The following IL6ST variants were observed in gnomAD, a reference collection of about 807,000 sequenced individuals.
The protein encoded by IL6ST is interleukin-6 receptor subunit beta.
Under a neutral mutation model 91.3 loss-of-function variants are expected in IL6ST, and 24 were observed. The ratio of observed to expected loss-of-function variants is 0.26; its 90% CI spans 0.19 to 0.37. The LOEUF (loss-of-function observed/expected upper bound fraction) is 0.37. Ranked by LOEUF, IL6ST falls within the 10% of genes least tolerant of loss-of-function variation. IL6ST has a pLI of 1.00. For missense variants in IL6ST, 914 were observed against 1,078.5 expected (o/e 0.85, Z 2.14); for synonymous variants, 351 against 373.6 (o/e 0.94, Z 0.70).
chr5:55,936,987 A>G lies in IL6ST; in HGVS notation c.*4095T>C, dbSNP rs73120472. 5,364 of 200,658 alleles carry G rather than the reference A, an allele frequency of 0.027. 295 individuals carry two copies. Among genetic ancestry groups the G allele is most frequent in the African/African-American group, 0.11 (4,986 of 43,702 alleles). 12.4% of individuals were successfully genotyped at this position (200,658 alleles called of 1,614,324 possible). On this transcript the variant is annotated 3_prime_UTR_variant, in exon 17 of 17. Coordinates refer to ENST00000381298, the MANE Select transcript of IL6ST (RefSeq NM_002184.4). Reference sequence around the variant, plus strand: ...GCACATTTATTTTTAGAGTATATTCAATACACATACATATTGAGACTAGAG... The same window carrying G: ...GCACATTTATTTTTAGAGTATATTCGATACACATACATATTGAGACTAGAG...
chr5:55,963,387 G>T lies in IL6ST; in HGVS notation c.778C>A (p.Gln260Lys). The T allele has an allele frequency of 6.2e-7, 1 of 1,601,702 alleles. No homozygotes were observed. The highest frequency in any genetic ancestry group is 8.5e-7 in the Non-Finnish European group (1 of 1,173,180). Residue 260 changes from glutamine (Q) to lysine (K), a missense_variant, in exon 7 of 17, where the codon CAA (glutamine) becomes AAA (lysine). Transcript: ENST00000381298. ...GTTGAGGCATCTTTGGTCCTATATT[G>T]AATGTTATATTTTAGTATTATAACA... ...KSVIILKYNI[Q>K]YRTKDASTWS... is the part of the protein sequence containing the mutation.
rs1468519735 is a variant in IL6ST at position 55,968,324 on chromosome 5, C to T, written c.443G>A (p.Gly148Asp). Residue 148 changes from glycine to aspartate, a missense_variant, in exon 5 of 17, where the codon GGT (glycine) becomes GAT (aspartate). Coordinates refer to ENST00000381298, the MANE Select transcript of IL6ST (RefSeq NM_002184.4). ...TGTCTCCAAGTGTGTTTCCCTTCCACCATCCCACTCACACCTCATTTTCTT... is the reference window on the plus strand; with the variant it reads ...TGTCTCCAAGTGTGTTTCCCTTCCATCATCCCACTCACACCTCATTTTCTT... The part of the protein sequence containing the change: ...EGKKMRCEWD[G>D]GRETHLETNF... 2 of 1,602,668 alleles carry T rather than the reference C, an allele frequency of 1.2e-6. No homozygotes were observed. The highest frequency in any genetic ancestry group is 8.5e-7 in the Non-Finnish European group (1 of 1,176,498).
chr5:55,959,648 C>T (rs1240156912), intron 8 of IL6ST: 15 of 1,296,698 alleles, frequency 1.2e-5, no homozygotes, highest in African/African-American at 7.6e-5. Context: ...CAGGATCAAC[C>T]GCTTCCCAGG....
chr5:55,981,587 G>A (rs557367898), intron 2 of IL6ST, among the ~76,000 whole-genome samples: 23 of 152,076 alleles, frequency 1.5e-4, no homozygotes, highest in African/African-American at 5.1e-4. Flanking sequence ...AGGTTGCAGC[G>A]AGCCAAGATC....
At chr5:55,964,414 T>C (rs1752520645) in intron 5 of IL6ST, 102 bp from the exon 6 acceptor site, 1 of 700,562 alleles carries the variant, frequency 1.4e-6, no homozygotes, top group Non-Finnish European at 2.3e-6. Context: ...TAGATTGTTG[T>C]AGCAAACTTT....
chr5:55,976,929 A>C lies in IL6ST; in HGVS notation c.-15-636T>G, dbSNP rs78794164. On this transcript the variant is annotated intron_variant, in intron 2 of 16. Coordinates refer to ENST00000381298, the MANE Select transcript of IL6ST (RefSeq NM_002184.4). ...GATAGTTCGTTACCAAGTTAAAAGC[A>C]CACCATAAGACTTGGTATTTCCACT... Among the ~76,000 whole-genome samples, 95 of 152,318 alleles carry C rather than the reference A, an allele frequency of 6.2e-4. 2 individuals are homozygous for C. The East Asian group carries it at 0.016, about 26-fold the overall frequency.
At chr5:55,952,217 C>G (rs776356121) in intron 12 of IL6ST, 33 bp downstream of exon 12, 8 of 1,527,674 alleles carry the variant, frequency 5.2e-6, no homozygotes, top group African/African-American at 2.8e-5. Context: ...AAGCCCTAAA[C>G]TTTTTTTTTC....
intron 3 of IL6ST, among the ~76,000 whole-genome samples, chr5:55,974,774 CCATGCCTGGCCT>C: frequency 6.6e-6 from 1 of 152,244 alleles, no homozygotes; most frequent in East Asian, 1.9e-4. Flanking sequence ...GCATGAGCCA[CCATGCCTGGCCT>C]CTATATTAAC....
chr5:55,967,309 C>CAA lies in IL6ST; in HGVS notation c.491+965_491+966dup, dbSNP rs60547666. On this transcript the variant is annotated intron_variant, in intron 5 of 16. Transcript: ENST00000381298. ...TAGGTGACAGAGCAAGACTCCATCT[C>CAA]AAAAAAAAAAAAAAAAAAAAAAAAA... Among the ~76,000 whole-genome samples, 107 of 31,900 alleles carry CAA rather than the reference C, an allele frequency of 3.4e-3. 19 individuals are homozygous for CAA. The highest frequency in any genetic ancestry group is 7.6e-3 in the African/African-American group (41 of 5,410). 20.9% of individuals were successfully genotyped at this position (31,900 alleles called of 152,430 possible).
chr5:55,955,915 T>G (rs1054420058), intron 10 of IL6ST, 110 bp downstream of exon 10: 17 of 614,254 alleles, frequency 2.8e-5, no homozygotes, highest in Admixed American at 1.8e-4. Context: ...TGATTATCCC[T>G]GATACTGAGG....
Position 55,960,438 on chromosome 5 carries a change from A to C in IL6ST, c.937T>G (p.Trp313Gly). The C allele has an allele frequency of 6.2e-7, 1 of 1,613,866 alleles. No individual in the cohort carries two copies. Among genetic ancestry groups the C allele is most frequent in the Non-Finnish European group, 8.5e-7 (1 of 1,179,814 alleles). Residue 313 changes from tryptophan to glycine, a missense_variant, in exon 8 of 17, where the codon TGG becomes GGG. Trp to Gly is a radical substitution (Grantham distance 184). Transcript: ENST00000381298. ...GTGATCCCACTTGCTTCTTCACTCCAGTCACTCCAGTATCCCTTACCATCT... is the reference window on the plus strand; with the variant it reads ...GTGATCCCACTTGCTTCTTCACTCCCGTCACTCCAGTATCCCTTACCATCT... ...KEDGKGYWSDWSEEASGITYE... is the reference protein window; with the variant it reads ...KEDGKGYWSDGSEEASGITYE...
intron 11 of IL6ST, among the ~76,000 whole-genome samples, chr5:55,952,846 G>A (rs1368102866): frequency 2.0e-5 from 3 of 152,154 alleles, no homozygotes; most frequent in African/African-American, 7.2e-5. Context: ...AGGATCACTT[G>A]AGGTTAGGAG....
chr5:55,944,157 C>T (rs1751095040), intron 15 of IL6ST, among the ~76,000 whole-genome samples: 1 of 152,140 alleles, frequency 6.6e-6, no homozygotes, highest in Admixed American at 6.6e-5. Context: ...TAAATACTTT[C>T]ACCTCTAAAA....
chr5:55,958,698 G>A (rs1752126176), intron 8 of IL6ST, among the ~76,000 whole-genome samples: 1 of 152,000 alleles, frequency 6.6e-6, no homozygotes, highest in Admixed American at 6.6e-5. Context: ...AATTTGCTGG[G>A]CATGGTGACA....
At chr5:55,985,878 T>C (rs532507809) in intron 1 of IL6ST, among the ~76,000 whole-genome samples, 1 of 152,314 alleles carries the variant, frequency 6.6e-6, no homozygotes, top group East Asian at 1.9e-4. Context: ...ACCAATCTAC[T>C]GTTACGACAC....
intron 10 of IL6ST, 128 bp from the exon 11 acceptor site, chr5:55,955,120 C>G: frequency 1.5e-6 from 1 of 663,294 alleles, no homozygotes; most frequent in Non-Finnish European, 2.5e-6. Context: ...CCTAAAAGCA[C>G]TTTATTATAA....
rs3804273 is a variant in IL6ST at position 55,992,787 on chromosome 5, C to T, written c.-104+1997G>A. Among the ~76,000 whole-genome samples, 56 of 152,304 alleles carry T rather than the reference C, an allele frequency of 3.7e-4. 1 individual carries two copies. The East Asian group carries it at 0.01, about 27-fold the overall frequency. On this transcript the variant is annotated intron_variant, in intron 1 of 16. Transcript: ENST00000381298. The stretch of plus-strand genomic sequence containing the variant: ...CTTTGCTCATTCCAATCCTTAAATG[C>T]TCACTCCAATCCTTAAACGATCATT...
chr5:55,959,127 C>T (rs535764185), intron 8 of IL6ST, among the ~76,000 whole-genome samples: 32 of 152,274 alleles, frequency 2.1e-4, no homozygotes, highest in African/African-American at 7.5e-4. Flanking sequence ...TACACTTGTC[C>T]ATTAAAAATG....
intron 14 of IL6ST, among the ~76,000 whole-genome samples, chr5:55,948,167 G>A (rs1037609797): frequency 2.6e-5 from 4 of 152,186 alleles, no homozygotes; most frequent in Non-Finnish European, 4.4e-5. Flanking sequence ...CAATGGGCAT[G>A]AGGAGTGGCA....
Sources: allele counts gnomAD v4.1 joint callset (sites outside exome capture counted in the v4.1 genomes callset), GRCh38; gene constraint gnomAD v4.1.1; transcripts MANE v1.5; gene names NCBI Gene and HGNC (gene_info 2026-07-23, HGNC 2026-07-21).